Variants in CBX5 observed in about 807,000 individuals in gnomAD.
CBX5 encodes chromobox protein homolog 5.
CBX5 carries 7 observed loss-of-function variants against 20.7 expected under a neutral mutation model. The observed-to-expected ratio is 0.34, with a 90% CI of 0.19 to 0.63. The LOEUF (loss-of-function observed/expected upper bound fraction) is 0.63. Among genes scored for constraint, CBX5 ranks in the 30% least tolerant of loss-of-function variants. The probability of loss-of-function intolerance (pLI) is 0.75; values close to 1 mark genes in which losing one functional copy is unlikely to be tolerated. For missense variants in CBX5, 110 were observed against 224.1 expected (o/e 0.49, Z 3.25); for synonymous variants, 78 against 77.0 (o/e 1.01, Z -0.07).
chr12:54,263,977 G>C (rs558548484), intron 1 of CBX5, among the ~76,000 whole-genome samples: 4 of 145,170 alleles, frequency 2.8e-5, no homozygotes, highest in Non-Finnish European at 6.1e-5. Context: ...CAGGAGGCGG[G>C]GCTTGCAGTG....
At chr12:54,255,419 C>T (rs552724207) in intron 2 of CBX5, among the ~76,000 whole-genome samples, 15 of 151,912 alleles carry the variant, frequency 9.9e-5, no homozygotes, top group Non-Finnish European at 1.8e-4. Context: ...GTTAGCTGGG[C>T]GTGGTGGCAG....
At chr12:54,247,378 T>C (rs371411666) in intron 3 of CBX5, among the ~76,000 whole-genome samples, 2 of 152,040 alleles carry the variant, frequency 1.3e-5, no homozygotes, top group African/African-American at 4.8e-5. Flanking sequence ...TCTCTGCAAA[T>C]TAGCTGGGCA....
In CBX5 at chr12:54,235,307, C is replaced by A. The variant is rs1300816904; in HGVS notation, c.*6448G>T. The A allele has an allele frequency of 6.6e-6, 1 of 152,178 alleles. No homozygotes were observed. The highest frequency in any genetic ancestry group is 1.5e-5 in the Non-Finnish European group (1 of 68,040). The allele number at this position is 152,178 out of a possible 1,614,324, so 9.4% of individuals were successfully genotyped here. On this transcript the variant is annotated 3_prime_UTR_variant, in exon 5 of 5. Transcript: ENST00000209875. ...GGCAAAGGTTTCCACATAACTGATA[C>A]AATTCTCTGCTTAGAAATCACCCTC...
Position 54,256,925 on chromosome 12 carries a change from G to A in CBX5, c.137+589C>T, listed in dbSNP as rs377578901. 2.2e-3 allele frequency among the ~76,000 whole-genome samples: 342 copies of A among 152,140 alleles called. 4 individuals are homozygous for A. The highest frequency in any genetic ancestry group is 8.1e-3 in the African/African-American group (335 of 41,512). ...GTCACCCAGGCTGGAGTGCAGTGGCGCAATCTTGGCTCACTGCAACCTCCG... is the reference window on the plus strand; with the variant it reads ...GTCACCCAGGCTGGAGTGCAGTGGCACAATCTTGGCTCACTGCAACCTCCG... On this transcript the variant is annotated intron_variant, in intron 2 of 4. Coordinates refer to ENST00000209875, the MANE Select transcript of CBX5 (RefSeq NM_012117.3).
chr12:54,250,440 G>A (rs1227715418), intron 3 of CBX5, among the ~76,000 whole-genome samples: 2 of 151,762 alleles, frequency 1.3e-5, no homozygotes, highest in Non-Finnish European at 2.9e-5. Context: ...ATATTTAATT[G>A]TATATTATAT....
At chr12:54,267,692 T>C (rs1484931564) in intron 1 of CBX5, among the ~76,000 whole-genome samples, 1 of 152,086 alleles carries the variant, frequency 6.6e-6, no homozygotes, top group African/African-American at 2.4e-5. Context: ...TTTTTGTGTA[T>C]TTTTAGTAGA....
In CBX5 at chr12:54,239,117, A is replaced by G. The variant is rs894421059; in HGVS notation, c.*2638T>C. 3.3e-5 allele frequency: 5 copies of G among 152,254 alleles called. No homozygotes were observed. Among genetic ancestry groups the G allele is most frequent in the Non-Finnish European group, 5.9e-5 (4 of 68,066 alleles). 9.4% of individuals were successfully genotyped at this position (152,254 alleles called of 1,614,324 possible). A position where few individuals can be genotyped will look rare whatever the true frequency, so the allele number is the denominator to read the frequency against. ...CCTATAGAACCAGCTGCAGGTAGGC[A>G]GGAAGAGAACAAAAGTTGTTTTGGC... On this transcript the variant is annotated 3_prime_UTR_variant, in exon 5 of 5. Coordinates refer to ENST00000209875, the MANE Select transcript of CBX5 (RefSeq NM_012117.3).
At chr12:54,272,709 G>C (rs1944021843) in intron 1 of CBX5, 1 of 152,138 alleles carries the variant, frequency 6.6e-6, no homozygotes, top group Non-Finnish European at 1.5e-5. Context: ...GGCAAGAACA[G>C]GACTACCCTC....
chr12:54,233,951 G>T lies in CBX5; in HGVS notation c.*7804C>A, dbSNP rs1943593959. 2.0e-5 allele frequency: 3 copies of T among 152,038 alleles called. No homozygotes were observed. Among genetic ancestry groups the T allele is most frequent in the Admixed American group, 2.0e-4 (3 of 15,234 alleles). The allele number at this position is 152,038 out of a possible 1,614,324, so 9.4% of individuals were successfully genotyped here. ...CAATCCCAGCACTTTGAGTGGCCGA[G>T]GCAGGCGGATCACAAGGTCAGGAGT... On this transcript the variant is annotated 3_prime_UTR_variant, in exon 5 of 5. Transcript: ENST00000209875.
At chr12:54,257,746 T>C (rs990607280) in intron 1 of CBX5, 54 bp from the exon 2 acceptor site, 21 of 1,391,160 alleles carry the variant, frequency 1.5e-5, no homozygotes, top group Non-Finnish European at 2.1e-5. Flanking sequence ...TTAAAAACTT[T>C]GTCTTTTCTT....
At chr12:54,274,032 G>A (rs1414099574) in intron 1 of CBX5, 4 of 152,212 alleles carry the variant, frequency 2.6e-5, no homozygotes, top group Admixed American at 1.3e-4. Context: ...TTGCCCCAAA[G>A]AAATTGGCAG....
At position 54,239,173 on chromosome 12, in the gene CBX5, A is replaced by G. The variant is rs1943652672; in HGVS notation, c.*2582T>C. 1 of 152,242 alleles carries G rather than the reference A, an allele frequency of 6.6e-6. No homozygotes were observed. Among genetic ancestry groups the G allele is most frequent in the Admixed American group, 6.5e-5 (1 of 15,284 alleles). The allele number at this position is 152,242 out of a possible 1,614,324, so 9.4% of individuals were successfully genotyped here. ...TCAGTACAATAAACCGAAGACAAAA[A>G]AGACAGAGTAAAGTCTATTAACAGA... On this transcript the variant is annotated 3_prime_UTR_variant, in exon 5 of 5. Transcript: ENST00000209875.
At chr12:54,276,602 T>G (rs1262915128) in intron 1 of CBX5, 1 of 152,192 alleles carries the variant, frequency 6.6e-6, no homozygotes, top group Non-Finnish European at 1.5e-5. Context: ...TGGAAGGAAC[T>G]GACTCAGAAA....
intron 4 of CBX5, among the ~76,000 whole-genome samples, chr12:54,244,519 C>A (rs369259285): frequency 2.2e-4 from 34 of 151,988 alleles, no homozygotes; most frequent in African/African-American, 7.7e-4. Flanking sequence ...AGGCAGATTG[C>A]TTGAGGTCAG....
chr12:54,251,890 C>T, intron 3 of CBX5, 151 bp downstream of exon 3: 3 of 606,134 alleles, frequency 4.9e-6, no homozygotes, highest in Non-Finnish European at 7.9e-6. Flanking sequence ...GAGCTGTAAT[C>T]AACATACCTC....
intron 1 of CBX5, among the ~76,000 whole-genome samples, chr12:54,266,397 C>CA (rs1451781648): frequency 1.3e-5 from 2 of 151,082 alleles, no homozygotes; most frequent in Admixed American, 6.6e-5. Flanking sequence ...GACTTCATCT[C>CA]AAAAAAAATA....
At chr12:54,276,936 C>T (rs1362802571) in intron 1 of CBX5, 2 of 152,218 alleles carry the variant, frequency 1.3e-5, no homozygotes, top group African/African-American at 4.8e-5. Context: ...GAGGCAAAGT[C>T]TACCTTCTTC....
At position 54,239,748 on chromosome 12, in the gene CBX5, T is replaced by C. The variant is rs1168747264; in HGVS notation, c.*2007A>G. ...TACCATTCAGAAGGATTTTCCTGGC[T>C]GACTTAAACCAAAAGCTTCATTGTT... On this transcript the variant is annotated 3_prime_UTR_variant, in exon 5 of 5. Transcript: ENST00000209875. The C allele has an allele frequency of 6.6e-6, 1 of 152,258 alleles. No individual in the cohort carries two copies. The highest frequency in any genetic ancestry group is 1.5e-5 in the Non-Finnish European group (1 of 68,042). 9.4% of individuals were successfully genotyped at this position (152,258 alleles called of 1,614,324 possible). A position where few individuals can be genotyped will look rare whatever the true frequency, so the allele number is the denominator to read the frequency against.
intron 3 of CBX5, among the ~76,000 whole-genome samples, chr12:54,247,187 A>G (rs1378890303): frequency 6.6e-6 from 1 of 152,110 alleles, no homozygotes; most frequent in East Asian, 1.9e-4. Flanking sequence ...CTGGATGTAG[A>G]TGACTGTTAG....
Sources: gnomAD v4.1 joint callset for allele counts (sites outside exome capture counted in the v4.1 genomes callset) on GRCh38, gnomAD v4.1.1 for gene constraint, MANE v1.5 for transcripts, NCBI Gene and HGNC (gene_info 2026-07-23, HGNC 2026-07-21) for gene names.